Variants in PTPRD observed in about 807,000 individuals in gnomAD.
PTPRD encodes receptor-type tyrosine-protein phosphatase delta.
In PTPRD, 34 loss-of-function variants were observed where a neutral mutation model predicts 214.5. That is an observed-to-expected ratio of 0.16 (90% CI 0.12 to 0.21). PTPRD has a LOEUF of 0.21. Ranked by LOEUF, PTPRD falls within the 10% of genes least tolerant of loss-of-function variation. The probability of loss-of-function intolerance (pLI) is 1.00; values close to 1 mark genes in which losing one functional copy is unlikely to be tolerated. For missense variants in PTPRD, 2,545 were observed against 2,398.7 expected (o/e 1.06, Z -1.27); for synonymous variants, 1,128 against 845.7 (o/e 1.33, Z -5.79).
At position 10,493,392 on chromosome 9, in the gene PTPRD, A is replaced by C. The variant is rs376652043; in HGVS notation, c.-600+119006T>G. ...AACAAAACAGCATGGTACTGGTACC[A>C]AAACAGATATATAGACCAATGGAAC... On this transcript the variant is annotated intron_variant, in intron 2 of 45. Transcript: ENST00000381196. Among the ~76,000 whole-genome samples the C allele has an allele frequency of 1.5e-4, 23 of 152,244 alleles. No individual in the cohort carries two copies. In the East Asian group the frequency reaches 4.3e-3, roughly 28 times the overall value.
chr9:9,115,843 A>T (rs2099811867), intron 10 of PTPRD, among the ~76,000 whole-genome samples: 1 of 152,176 alleles, frequency 6.6e-6, no homozygotes, highest in South Asian at 2.1e-4. Context: ...TCAATAGTGG[A>T]TTTGATATAG....
At chr9:9,688,842 A>C (rs556336367) in intron 7 of PTPRD, among the ~76,000 whole-genome samples, 5 of 151,924 alleles carry the variant, frequency 3.3e-5, no homozygotes, top group Non-Finnish European at 7.4e-5. Flanking sequence ...GCATTTAAAA[A>C]AAACAAAGCT....
At chr9:9,469,164 A>T (rs931705261) in intron 8 of PTPRD, among the ~76,000 whole-genome samples, 4 of 152,130 alleles carry the variant, frequency 2.6e-5, no homozygotes, top group African/African-American at 7.2e-5. Context: ...TTAACATCCT[A>T]AAATATTATG....
rs1235025504 is a variant in PTPRD, at chr9:8,331,408, T to TG, written c.5534+173_5534+174insC. On this transcript the variant is annotated intron_variant, in intron 44 of 45. Transcript: ENST00000381196. ...TTGGGGCTAAACATTTTCCTCTGAT[T>TG]ATTTTCACTTATTTTCACTTTATGA... 7.8e-4 allele frequency among the ~76,000 whole-genome samples: 37 copies of TG among 47,264 alleles called. No homozygotes were observed. In the Admixed American group the frequency reaches 8.6e-3, roughly 11 times the overall value. The allele number at this position is 47,264 out of a possible 152,430, so 31.0% of individuals were successfully genotyped here.
intron 7 of PTPRD, among the ~76,000 whole-genome samples, chr9:9,673,719 G>GA (rs554118414): frequency 1.0e-3 from 148 of 143,778 alleles, no homozygotes; most frequent in African/African-American, 3.0e-3. Context: ...AGACAATTTA[G>GA]AAAAAAAAAA....
intron 11 of PTPRD, among the ~76,000 whole-genome samples, chr9:8,767,195 G>A (rs1017449150): frequency 4.0e-5 from 6 of 151,892 alleles, no homozygotes; most frequent in South Asian, 2.1e-4. Flanking sequence ...TTGGCTCACC[G>A]CAACCTCCGC....
At chr9:8,589,576 C>T (rs2093940346) in intron 14 of PTPRD, among the ~76,000 whole-genome samples, 2 of 152,172 alleles carry the variant, frequency 1.3e-5, no homozygotes, top group African/African-American at 4.8e-5. Context: ...TTCACTGTCA[C>T]CATAAGCTAT....
At chr9:10,065,309 G>A (rs923120748) in intron 3 of PTPRD, among the ~76,000 whole-genome samples, 4 of 151,912 alleles carry the variant, frequency 2.6e-5, no homozygotes, top group African/African-American at 9.7e-5. Context: ...TTAGTCAGTG[G>A]ATCCATGGTT....
chr9:10,538,774 C>T (rs1439702282), intron 2 of PTPRD, among the ~76,000 whole-genome samples: 1 of 151,980 alleles, frequency 6.6e-6, no homozygotes, highest in Non-Finnish European at 1.5e-5. Context: ...AAATGTGTAA[C>T]AAATTTATTT....
chr9:8,399,024 A>T (rs2091859791), intron 36 of PTPRD, among the ~76,000 whole-genome samples: 1 of 152,132 alleles, frequency 6.6e-6, no homozygotes, highest in Non-Finnish European at 1.5e-5. Flanking sequence ...TCTCATGGAT[A>T]AAACCATTTA....
At chr9:8,624,083 C>A (rs1222279047) in intron 14 of PTPRD, among the ~76,000 whole-genome samples, 2 of 151,776 alleles carry the variant, frequency 1.3e-5, no homozygotes, top group East Asian at 1.9e-4. Context: ...AAATAATATT[C>A]TAGTACGACA....
intron 3 of PTPRD, among the ~76,000 whole-genome samples, chr9:10,253,386 A>ACTC (rs1363542330): frequency 6.6e-6 from 1 of 152,154 alleles, no homozygotes; most frequent in Non-Finnish European, 1.5e-5. Context: ...GAAAGTTCTG[A>ACTC]CTCTTTTAAT....
At chr9:9,719,406 T>G (rs1454104928) in intron 7 of PTPRD, among the ~76,000 whole-genome samples, 1 of 152,160 alleles carries the variant, frequency 6.6e-6, no homozygotes. Context: ...GGCAGTGACA[T>G]GCTCCTGGAC....
intron 11 of PTPRD, among the ~76,000 whole-genome samples, chr9:8,927,113 A>G (rs975941495): frequency 6.6e-6 from 1 of 152,184 alleles, no homozygotes; most frequent in African/African-American, 2.4e-5. Context: ...GCTCTTAAGA[A>G]CATAAAAAAA....
chr9:9,888,795 G>A (rs2072009503), intron 5 of PTPRD, among the ~76,000 whole-genome samples: 1 of 151,978 alleles, frequency 6.6e-6, no homozygotes. Flanking sequence ...AACACAAATG[G>A]ACTAAGACAG....
At chr9:9,837,344 C>G (rs1447859599) in intron 5 of PTPRD, among the ~76,000 whole-genome samples, 1 of 152,102 alleles carries the variant, frequency 6.6e-6, no homozygotes, top group African/African-American at 2.4e-5. Context: ...AACACAGGAG[C>G]AGTGATAAGA....
chr9:10,486,373 G>T (rs1267293687), intron 2 of PTPRD, among the ~76,000 whole-genome samples: 1 of 152,044 alleles, frequency 6.6e-6, no homozygotes, highest in Non-Finnish European at 1.5e-5. Flanking sequence ...TATAAGGAAG[G>T]GGTCCAATTT....
At chr9:10,140,553 G>A (rs1046836304) in intron 3 of PTPRD, among the ~76,000 whole-genome samples, 4 of 152,006 alleles carry the variant, frequency 2.6e-5, no homozygotes, top group South Asian at 4.1e-4. Context: ...AACCAGGAAG[G>A]AGTTGAATCT....
At chr9:9,103,738 T>C (rs2099794576) in intron 10 of PTPRD, among the ~76,000 whole-genome samples, 1 of 152,112 alleles carries the variant, frequency 6.6e-6, no homozygotes, top group Admixed American at 6.5e-5. Flanking sequence ...ACCAGCCCTT[T>C]TGGAGGCCAA....
Sources: allele counts gnomAD v4.1 joint callset (sites outside exome capture counted in the v4.1 genomes callset), GRCh38; gene constraint gnomAD v4.1.1; transcripts MANE v1.5; gene names NCBI Gene and HGNC (gene_info 2026-07-23, HGNC 2026-07-21).